The following PIWIL1 variants were observed in gnomAD, a reference collection of about 807,000 sequenced individuals.
PIWIL1 encodes piwi like RNA-mediated gene silencing 1.
A neutral mutation model predicts 114.4 loss-of-function variants in PIWIL1; 73 were observed. The ratio of observed to expected loss-of-function variants is 0.64; its 90% CI spans 0.53 to 0.78. PIWIL1 has a LOEUF of 0.78. Ranked by LOEUF, PIWIL1 falls within the 30% of genes least tolerant of loss-of-function variation. The pLI, the probability that PIWIL1 is intolerant of heterozygous loss-of-function variation, is 0.00. For missense variants in PIWIL1, 723 were observed against 1,063.1 expected (o/e 0.68, Z 4.45); for synonymous variants, 375 against 369.0 (o/e 1.02, Z -0.19).
At position 130,354,883 on chromosome 12, in the gene PIWIL1, T is replaced by TA; in HGVS notation, c.1172-2dup. ...ACCATATGCCTTTAAATGTCTTATT[T>TA]AAAGGTCTAACTGATAAAATGCGTA... On this transcript the variant is annotated splice_region_variant and splice_polypyrimidine_tract_variant and intron_variant, in intron 10 of 20. Transcript: ENST00000245255. 1 of 1,591,286 alleles carries TA rather than the reference T, an allele frequency of 6.3e-7. No individual in the cohort carries two copies. Among genetic ancestry groups the TA allele is most frequent in the Non-Finnish European group, 8.6e-7 (1 of 1,160,158 alleles).
rs146983606 is a variant in PIWIL1, at chr12:130,354,761, C to G, written c.1171+98C>G. ...TTCCTTTACTTCCCCTTCCCTCCCC[C>G]CAGAAAACCTTTTATTAAAACTGCT... On this transcript the variant is annotated intron_variant, in intron 10 of 20. Transcript: ENST00000245255. 3,140 of 1,483,950 alleles carry G rather than the reference C, an allele frequency of 2.1e-3. 36 individuals carry two copies. The highest frequency in any genetic ancestry group is 0.015 in the South Asian group (1,133 of 74,812). 91.9% of individuals were successfully genotyped at this position (1,483,950 alleles called of 1,614,324 possible).
chr12:130,418,639 A>C, the PIWIL1 span, among the ~76,000 whole-genome samples: 1 of 152,162 alleles, frequency 6.6e-6, no homozygotes, highest in African/African-American at 2.4e-5. Context: ...TTTATGTGGC[A>C]AGTTTGTGGC....
At chr12:130,342,890 G>T (rs981950831) in intron 2 of PIWIL1, 100 bp from the exon 3 acceptor site, 21 of 803,102 alleles carry the variant, frequency 2.6e-5, no homozygotes, top group Admixed American at 1.2e-4. Flanking sequence ...TATTAATTTA[G>T]ATAGGTGTTG....
the PIWIL1 span, among the ~76,000 whole-genome samples, chr12:130,383,102 G>C: frequency 6.6e-6 from 1 of 152,176 alleles, no homozygotes; most frequent in Admixed American, 6.5e-5. Flanking sequence ...CCGTTGTCCA[G>C]AGTGAAAAAT....
the PIWIL1 span, chr12:130,414,719 G>A: frequency 6.3e-6 from 1 of 158,590 alleles, no homozygotes; most frequent in Non-Finnish European, 1.4e-5. Context: ...AGTCCATAGA[G>A]GTGACCAACT....
rs1367772052 is a variant in PIWIL1, at chr12:130,342,420, G to A, written c.-12-160G>A. ...AACTGAGTTTGTTGAATGTAGGAAT[G>A]TTACATTAAAAAAAACTGTCATTAA... is the stretch of plus-strand genomic sequence containing the variant. On this transcript the variant is annotated intron_variant, in intron 1 of 20. Transcript: ENST00000245255. The A allele has an allele frequency of 8.1e-6, 5 of 615,816 alleles. No homozygotes were observed. In the African/African-American group the frequency reaches 9.3e-5, roughly 11 times the overall value. The allele number at this position is 615,816 out of a possible 1,614,324, so 38.1% of individuals were successfully genotyped here.
At chr12:130,412,658 G>T in the PIWIL1 span, 1 of 1,613,966 alleles carries the variant, frequency 6.2e-7, no homozygotes, top group East Asian at 2.2e-5. Context: ...AGAAAGCCCT[G>T]TCTAAGAAGC....
intron 1 of PIWIL1, among the ~76,000 whole-genome samples, chr12:130,340,345 C>G (rs1029409096): frequency 6.6e-5 from 10 of 151,928 alleles, no homozygotes; most frequent in Admixed American, 5.9e-4. Context: ...CACCAGGGAC[C>G]GATTTCCTGG....
rs994707958 is a variant in PIWIL1 at position 130,363,198 on chromosome 12, C to T, written c.2195+54C>T. On this transcript the variant is annotated intron_variant, in intron 18 of 20. Coordinates refer to ENST00000245255, the MANE Select transcript of PIWIL1 (RefSeq NM_004764.5). Reference sequence around the variant, plus strand: ...TTTTTATAAAACTGCACCTTTGTATCTTTGAAATTAGCATCACAAGATGAA... The same window carrying T: ...TTTTTATAAAACTGCACCTTTGTATTTTTGAAATTAGCATCACAAGATGAA... 19 of 1,528,924 alleles carry T rather than the reference C, an allele frequency of 1.2e-5. No homozygotes were observed. In the South Asian group the frequency reaches 2.2e-4, roughly 17 times the overall value. The allele number at this position is 1,528,924 out of a possible 1,614,324, so 94.7% of individuals were successfully genotyped here. A position where few individuals can be genotyped will look rare whatever the true frequency, so the allele number is the denominator to read the frequency against.
At chr12:130,380,741 G>A in the PIWIL1 span, among the ~76,000 whole-genome samples, 53 of 152,148 alleles carry the variant, frequency 3.5e-4, no homozygotes, top group Non-Finnish European at 6.9e-4. Flanking sequence ...AAGATAAAAG[G>A]GCCTTAAGTA....
chr12:130,353,609 G>A (rs1415389597), intron 9 of PIWIL1, among the ~76,000 whole-genome samples: 1 of 152,176 alleles, frequency 6.6e-6, no homozygotes, highest in Non-Finnish European at 1.5e-5. Flanking sequence ...GGAGGCCAGA[G>A]AGCTCATCTT....
the PIWIL1 span, among the ~76,000 whole-genome samples, chr12:130,416,965 A>T: frequency 2.7e-4 from 39 of 145,134 alleles, no homozygotes; most frequent in African/African-American, 9.1e-4. Flanking sequence ...AAATATATTT[A>T]AAAAATGTAT....
rs781497219 is a variant in PIWIL1 at position 130,349,927 on chromosome 12, C to G, written c.1004C>G (p.Ala335Gly). ...AATCCCAAGAGCACCTTTAAGAAAGCCGACGGCTCTGAAGTCAGCTTCTTA... is the reference window on the plus strand; with the variant it reads ...AATCCCAAGAGCACCTTTAAGAAAGGCGACGGCTCTGAAGTCAGCTTCTTA... ...DQNPKSTFKK[A>G]DGSEVSFLEY... is the part of the protein sequence containing the mutation. Residue 335 changes from alanine (A) to glycine (G), a missense_variant, in exon 9 of 21, where the codon GCC becomes GGC. Coordinates refer to ENST00000245255, the MANE Select transcript of PIWIL1 (RefSeq NM_004764.5). The G allele has an allele frequency of 6.2e-7, 1 of 1,612,982 alleles. No individual in the cohort carries two copies. Among genetic ancestry groups the G allele is most frequent in the South Asian group, 1.1e-5 (1 of 91,016 alleles).
the PIWIL1 span, among the ~76,000 whole-genome samples, chr12:130,410,033 C>A: frequency 6.6e-6 from 1 of 152,232 alleles, no homozygotes. Context: ...GCCCACCTGG[C>A]ACACTTTGTG....
chr12:130,416,617 A>G, the PIWIL1 span, among the ~76,000 whole-genome samples: 4 of 152,228 alleles, frequency 2.6e-5, no homozygotes, highest in African/African-American at 9.6e-5. Context: ...AAATTACACA[A>G]ATACTGCAAG....
chr12:130,418,567 A>T, the PIWIL1 span, among the ~76,000 whole-genome samples: 1 of 152,176 alleles, frequency 6.6e-6, no homozygotes, highest in Non-Finnish European at 1.5e-5. Context: ...GAAAAATGCC[A>T]GTGGAGGAGA....
the PIWIL1 span, chr12:130,414,090 G>A: frequency 3.7e-6 from 6 of 1,609,712 alleles, no homozygotes; most frequent in African/African-American, 8.0e-5. Flanking sequence ...CGCCTCAGGG[G>A]CTGATGAAGC....
At chr12:130,366,569 T>C (rs957499047) in intron 18 of PIWIL1, 2 of 152,444 alleles carry the variant, frequency 1.3e-5, no homozygotes, top group African/African-American at 4.8e-5. Flanking sequence ...TGTGGGGCCG[T>C]CCTGGGGTCT....
the PIWIL1 span, among the ~76,000 whole-genome samples, chr12:130,402,114 CCCTT>C: frequency 3.9e-5 from 6 of 152,328 alleles, no homozygotes; most frequent in African/African-American, 9.6e-5. Flanking sequence ...CCATGTCACT[CCCTT>C]CCCCATGTCT....
Sources: gnomAD v4.1 joint callset for allele counts (sites outside exome capture counted in the v4.1 genomes callset) on GRCh38, gnomAD v4.1.1 for gene constraint, MANE v1.5 for transcripts, NCBI Gene and HGNC (gene_info 2026-07-23, HGNC 2026-07-21) for gene names.